The following GRIN2A variants were observed in gnomAD, a reference collection of about 807,000 sequenced individuals.
GRIN2A encodes glutamate receptor ionotropic, NMDA 2A.
In GRIN2A, 22 loss-of-function variants were observed where a neutral mutation model predicts 113.4. The observed-to-expected ratio is 0.19, with a 90% CI of 0.14 to 0.28. The LOEUF is 0.28. Ranked by LOEUF, GRIN2A falls within the 10% of genes least tolerant of loss-of-function variation. GRIN2A has a pLI of 1.00. For synonymous variants in GRIN2A, 827 were observed against 738.4 expected (o/e 1.12, Z -1.94); for missense variants, 1,502 against 1,887.0 (o/e 0.80, Z 3.78).
intron 3 of GRIN2A, among the ~76,000 whole-genome samples, chr16:9,916,518 G>T (rs2044253208): frequency 6.6e-6 from 1 of 152,116 alleles, no homozygotes. Flanking sequence ...GAACCAAAAG[G>T]CACAACTCTC....
chr16:9,982,461 A>G lies in GRIN2A; in HGVS notation c.415-43910T>C, dbSNP rs138526355. Among the ~76,000 whole-genome samples, 120 of 152,322 alleles carry G rather than the reference A, an allele frequency of 7.9e-4. 3 individuals carry two copies. The East Asian group carries it at 0.015, about 19-fold the overall frequency. On this transcript the variant is annotated intron_variant, in intron 2 of 12. Transcript: ENST00000330684. The stretch of plus-strand genomic sequence containing the variant: ...TCATTTATTACCCGGAACTACGCCA[A>G]AAAGAGAAATCTTCCTTTGTCAGCT...
intron 2 of GRIN2A, among the ~76,000 whole-genome samples, chr16:10,090,526 A>G (rs541482058): frequency 6.6e-6 from 1 of 152,334 alleles, no homozygotes; most frequent in Non-Finnish European, 1.5e-5. Context: ...CCACACAAAA[A>G]TTAACTCAAA....
At chr16:10,044,022 T>TATAGAGAGAG (rs531659457) in intron 2 of GRIN2A, among the ~76,000 whole-genome samples, 81 of 107,982 alleles carry the variant, frequency 7.5e-4, no homozygotes, top group African/African-American at 1.6e-3. Flanking sequence ...TATATATATA[T>TATAGAGAGAG]AGAGAGAGAG....
At chr16:9,899,024 T>C (rs2043863626) in intron 3 of GRIN2A, among the ~76,000 whole-genome samples, 1 of 152,116 alleles carries the variant, frequency 6.6e-6, no homozygotes, top group Non-Finnish European at 1.5e-5. Flanking sequence ...TGCGCTGTCT[T>C]TTGACGGCAG....
At chr16:10,086,620 A>G (rs1287301578) in intron 2 of GRIN2A, among the ~76,000 whole-genome samples, 1 of 139,676 alleles carries the variant, frequency 7.2e-6, no homozygotes, top group Non-Finnish European at 1.6e-5. Context: ...AAAAAAAAAA[A>G]AAAAAAGGAA....
At chr16:10,021,232 A>G (rs1409832917) in intron 2 of GRIN2A, among the ~76,000 whole-genome samples, 1 of 152,242 alleles carries the variant, frequency 6.6e-6, no homozygotes, top group Non-Finnish European at 1.5e-5. Context: ...TAGGTAGTGA[A>G]TGAATGGACT....
intron 4 of GRIN2A, among the ~76,000 whole-genome samples, chr16:9,889,671 A>T (rs2043653998): frequency 6.6e-6 from 1 of 152,102 alleles, no homozygotes; most frequent in Admixed American, 6.6e-5. Flanking sequence ...TATCATTCTG[A>T]CTAAAGTATT....
rs1338872385 is a variant in GRIN2A at position 9,859,461 on chromosome 16, T to C, written c.1123-9500A>G. ...ATATATGTATACATATTCCTATACA[T>C]CTATACATGAACCTCTACATAAAAG... On this transcript the variant is annotated intron_variant, in intron 4 of 12. Transcript: ENST00000330684. Among the ~76,000 whole-genome samples, 3 of 152,154 alleles carry C rather than the reference T, an allele frequency of 2.0e-5. No homozygotes were observed. In the East Asian group the frequency reaches 5.8e-4, roughly 29 times the overall value.
chr16:9,864,914 C>T (rs2043136454), intron 4 of GRIN2A, among the ~76,000 whole-genome samples: 1 of 151,948 alleles, frequency 6.6e-6, no homozygotes, highest in South Asian at 2.1e-4. Flanking sequence ...TGCCTGAGGC[C>T]CTGCTAGTTA....
chr16:9,966,572 C>T (rs2045560083), intron 2 of GRIN2A, among the ~76,000 whole-genome samples: 1 of 152,162 alleles, frequency 6.6e-6, no homozygotes, highest in African/African-American at 2.4e-5. Context: ...GTGAACAGTC[C>T]TGCAAGAACA....
intron 4 of GRIN2A, among the ~76,000 whole-genome samples, chr16:9,863,567 C>T (rs542577941): frequency 5.3e-5 from 8 of 152,250 alleles, no homozygotes; most frequent in East Asian, 3.9e-4. Context: ...ATCCAAAAGG[C>T]GATCAGAACA....
At chr16:9,919,016 T>C (rs1354123563) in intron 3 of GRIN2A, among the ~76,000 whole-genome samples, 2 of 151,834 alleles carry the variant, frequency 1.3e-5, no homozygotes, top group Non-Finnish European at 2.9e-5. Flanking sequence ...CTACTAAAAA[T>C]ACAAAAGTTA....
chr16:9,977,914 A>G (rs1026083266), intron 2 of GRIN2A, among the ~76,000 whole-genome samples: 2 of 152,330 alleles, frequency 1.3e-5, no homozygotes, highest in Non-Finnish European at 2.9e-5. Flanking sequence ...AATTAGGTCA[A>G]CCCTGCAGCT....
At chr16:9,794,079 C>T (rs914158543) in intron 11 of GRIN2A, among the ~76,000 whole-genome samples, 2 of 152,144 alleles carry the variant, frequency 1.3e-5, no homozygotes, top group Non-Finnish European at 2.9e-5. Context: ...CATTGTTACT[C>T]CAGTACTGAG....
intron 10 of GRIN2A, among the ~76,000 whole-genome samples, chr16:9,816,352 C>T (rs930605877): frequency 6.6e-6 from 1 of 152,078 alleles, no homozygotes; most frequent in African/African-American, 2.4e-5. Context: ...GTAAAGGAAA[C>T]CAACAGAGAC....
At chr16:9,815,840 A>C (rs2042176317) in intron 10 of GRIN2A, among the ~76,000 whole-genome samples, 1 of 152,270 alleles carries the variant, frequency 6.6e-6, no homozygotes, top group Admixed American at 6.5e-5. Context: ...GCATGATTCA[A>C]AATAGTTAAA....
chr16:10,132,998 C>G (rs2049098545), intron 2 of GRIN2A, among the ~76,000 whole-genome samples: 1 of 152,200 alleles, frequency 6.6e-6, no homozygotes, highest in African/African-American at 2.4e-5. Flanking sequence ...CCACATCACT[C>G]TAACTCTGTT....
chr16:10,030,965 G>A (rs951858182), intron 2 of GRIN2A, among the ~76,000 whole-genome samples: 3 of 152,130 alleles, frequency 2.0e-5, no homozygotes, highest in African/African-American at 7.2e-5. Context: ...CACCATCTAG[G>A]GGGTAGGCTC....
In GRIN2A at chr16:9,763,985, A is replaced by G. The variant is rs2141131012; in HGVS notation, c.3559T>C (p.Tyr1187His). 6.2e-7 allele frequency: 1 copy of G among 1,614,132 alleles called. No individual in the cohort carries two copies. Among genetic ancestry groups the G allele is most frequent in the Non-Finnish European group, 8.5e-7 (1 of 1,180,010 alleles). The change falls in exon 13 of 13, where the codon TAC (tyrosine) becomes CAC (histidine). Residue 1187 changes from tyrosine to histidine, a missense_variant. Transcript: ENST00000330684. ...GLSNNDQYKLYSKHFTLKDKG... is the reference protein window; with the variant it reads ...GLSNNDQYKLHSKHFTLKDKG... ...TCTTTCAAGGTGAAGTGCTTGGAGT[A>G]GAGTTTATACTGGTCGTTGTTGGAA...
Sources: allele counts gnomAD v4.1 joint callset (sites outside exome capture counted in the v4.1 genomes callset), GRCh38; gene constraint gnomAD v4.1.1; transcripts MANE v1.5; gene names NCBI Gene and HGNC (gene_info 2026-07-23, HGNC 2026-07-21).